Variants in RNF10 observed in about 807,000 individuals in gnomAD.
RNF10 encodes the protein E3 ubiquitin-protein ligase RNF10.
RNF10 carries 38 observed loss-of-function variants against 91.4 expected under a neutral mutation model. That is an observed-to-expected ratio of 0.42 (90% CI 0.32 to 0.54). RNF10 has a LOEUF of 0.54. RNF10 is among the 20% of genes least tolerant of loss of function. The pLI, the probability that RNF10 is intolerant of heterozygous loss-of-function variation, is 0.16. For missense variants in RNF10, 945 were observed against 1,012.0 expected (o/e 0.93, Z 0.90); for synonymous variants, 364 against 366.3 (o/e 0.99, Z 0.07).
At chr12:120,546,304 A>G in intron 1 of RNF10, 101 bp from the exon 2 acceptor site, 2 of 1,037,628 alleles carry the variant, frequency 1.9e-6, no homozygotes, top group East Asian at 2.4e-5. Context: ...AAGGTGGTCA[A>G]AGGGCCTATT....
intron 14 of RNF10, among the ~76,000 whole-genome samples, chr12:120,572,065 T>TG (rs1462469826): frequency 1.3e-5 from 2 of 151,328 alleles, no homozygotes; most frequent in East Asian, 1.9e-4. Context: ...TTGACAGTTT[T>TG]TTTTTTTTTT....
chr12:120,561,092 A>G (rs898984210), intron 7 of RNF10, among the ~76,000 whole-genome samples: 4 of 152,086 alleles, frequency 2.6e-5, no homozygotes, highest in African/African-American at 7.2e-5. Flanking sequence ...GACAGTAGAG[A>G]AGGTTTAACC....
At chr12:120,569,055 C>G (rs944868283) in intron 13 of RNF10, among the ~76,000 whole-genome samples, 1 of 152,200 alleles carries the variant, frequency 6.6e-6, no homozygotes, top group Non-Finnish European at 1.5e-5. Flanking sequence ...ACTGCAACCT[C>G]TGCCTCCTGG....
In RNF10 at chr12:120,563,476, G is replaced by T. The variant is rs369715030; in HGVS notation, c.1384G>T (p.Gly462Trp). The stretch of plus-strand genomic sequence containing the variant: ...AGCAGTGTCTGAACCAGAGCCTGAG[G>T]GGTTGCCAGAGGCCTGTGATGACTT... ...EEAVSEPEPE[G>W]LPEACDDLEL... The change falls in exon 9 of 17, where the codon GGG (glycine) becomes TGG (tryptophan). Residue 462 changes from glycine to tryptophan, a missense_variant. Transcript: ENST00000325954. 1 of 1,614,160 alleles carries T rather than the reference G, an allele frequency of 6.2e-7. No individual in the cohort carries two copies.
chr12:120,563,285 G>C, intron 8 of RNF10, 62 bp from the exon 9 acceptor site: 1 of 1,555,152 alleles, frequency 6.4e-7, no homozygotes, highest in African/African-American at 1.4e-5. Context: ...GTCTGCATTT[G>C]CCACATTGCT....
Position 120,534,645 on chromosome 12 carries a change from CT to C in RNF10, c.-165del. 1 of 1,350,094 alleles carries C rather than the reference CT, an allele frequency of 7.4e-7. No individual in the cohort carries two copies. Among genetic ancestry groups the C allele is most frequent in the Non-Finnish European group, 9.5e-7 (1 of 1,057,546 alleles). 83.6% of individuals were successfully genotyped at this position (1,350,094 alleles called of 1,614,324 possible). ...CCGGGCTTAACAGCCCCGTCCGCCG[CT>C]TCTCTTCCTAGTTTGAGAAGCCAAG... On this transcript the variant is annotated 5_prime_UTR_variant, in exon 1 of 17. Coordinates refer to ENST00000325954, the MANE Select transcript of RNF10 (RefSeq NM_014868.5).
rs1282800231 is a variant in RNF10 at position 120,576,968 on chromosome 12, GTAAGAT to G, written c.*304_*309del. ...TGTAATTAATTTTTCTCAACCCAAA[GTAAGAT>G]TGAGTCCCCTTTGAGATGCATTAGA... is the stretch of plus-strand genomic sequence containing the variant. On this transcript the variant is annotated 3_prime_UTR_variant, in exon 17 of 17. Transcript: ENST00000325954. 1.1e-5 allele frequency: 4 copies of G among 365,980 alleles called. No homozygotes were observed. Among genetic ancestry groups the G allele is most frequent in the Non-Finnish European group, 2.1e-5 (4 of 193,826 alleles). The allele number at this position is 365,980 out of a possible 1,614,324, so 22.7% of individuals were successfully genotyped here.
intron 2 of RNF10, among the ~76,000 whole-genome samples, chr12:120,551,724 C>T (rs952238536): frequency 1.3e-5 from 2 of 151,996 alleles, no homozygotes; most frequent in Admixed American, 6.6e-5. Context: ...ACCTTGAATT[C>T]CTGGGCTCAA....
chr12:120,559,072 T>G (rs903533801), intron 6 of RNF10, among the ~76,000 whole-genome samples: 2 of 151,394 alleles, frequency 1.3e-5, no homozygotes, highest in Non-Finnish European at 2.9e-5. Context: ...ATTATTTTTT[T>G]TATTTTAAAA....
Position 120,566,853 on chromosome 12 carries a change from T to C in RNF10, c.1914T>C (p.Asn638=), listed in dbSNP as rs1875799294. The change falls in exon 13 of 17, where the codon AAT becomes AAC. Residue 638 remains asparagine, a synonymous_variant. Coordinates refer to ENST00000325954, the MANE Select transcript of RNF10 (RefSeq NM_014868.5). ...CAGAAGTCCACATTCCCCTCGAGAA[T>C]CTACAGCAGTTTCCTGCCTTCAATT... ...KYPEVHIPLE[N]LQQFPAFNSY... 1.9e-6 allele frequency: 3 copies of C among 1,613,846 alleles called. No individual in the cohort carries two copies. Among genetic ancestry groups the C allele is most frequent in the Non-Finnish European group, 2.5e-6 (3 of 1,179,868 alleles).
intron 4 of RNF10, among the ~76,000 whole-genome samples, chr12:120,556,394 A>G (rs182688625): frequency 6.6e-6 from 1 of 151,322 alleles, no homozygotes; most frequent in African/African-American, 2.4e-5. Context: ...AGCCCGGCGC[A>G]GTGGCGGGTA....
chr12:120,561,995 TTC>T (rs1239832794), intron 7 of RNF10, among the ~76,000 whole-genome samples: 1 of 152,138 alleles, frequency 6.6e-6, no homozygotes, highest in Non-Finnish European at 1.5e-5. Flanking sequence ...TTGTGTCAGA[TTC>T]TCTTTTATTT....
At chr12:120,559,044 ATT>A (rs1291923027) in intron 6 of RNF10, among the ~76,000 whole-genome samples, 6 of 132,216 alleles carry the variant, frequency 4.5e-5, no homozygotes, top group African/African-American at 1.7e-4. Context: ...AATTAATTAA[ATT>A]AACTTTTAAT....
At chr12:120,569,570 C>T (rs931414389) in intron 13 of RNF10, among the ~76,000 whole-genome samples, 9 of 87,084 alleles carry the variant, frequency 1.0e-4, no homozygotes, top group African/African-American at 2.8e-4. Context: ...CTCGCTCTGT[C>T]GCCCAAACTG....
rs1208350744 is a variant in RNF10 at position 120,576,599 on chromosome 12, G to T, written c.2369G>T (p.Gly790Val). The T allele has an allele frequency of 6.2e-7, 1 of 1,613,672 alleles. No individual in the cohort carries two copies. The highest frequency in any genetic ancestry group is 2.2e-5 in the East Asian group (1 of 44,870). Residue 790 changes from glycine (G) to valine (V), a missense_variant, in exon 17 of 17, where the codon GGA becomes GTA. Coordinates refer to ENST00000325954, the MANE Select transcript of RNF10 (RefSeq NM_014868.5). ...CTGTGTCTCCCTTTAGAAGAGAAAG[G>T]AGGAAAGAAAAGAAAAAAACAGAAA... ...ATSDPLSEEKGGKKRKKQKQK... is the reference protein window; with the variant it reads ...ATSDPLSEEKVGKKRKKQKQK...
intron 12 of RNF10, among the ~76,000 whole-genome samples, chr12:120,566,135 C>T (rs1875656786): frequency 6.6e-6 from 1 of 152,200 alleles, no homozygotes; most frequent in African/African-American, 2.4e-5. Context: ...TGGAAACATA[C>T]ATTTTATATC....
intron 2 of RNF10, among the ~76,000 whole-genome samples, chr12:120,551,277 C>T (rs535988864): frequency 2.2e-4 from 33 of 148,460 alleles, no homozygotes; most frequent in Admixed American, 4.8e-4. Flanking sequence ...TGAGCCACTG[C>T]GCCCATCCTA....
intron 14 of RNF10, among the ~76,000 whole-genome samples, chr12:120,574,295 T>C (rs1464395119): frequency 1.3e-5 from 2 of 152,214 alleles, no homozygotes; most frequent in Admixed American, 1.3e-4. Context: ...TTGAACCCCA[T>C]GGGGTTTGTC....
intron 6 of RNF10, among the ~76,000 whole-genome samples, chr12:120,559,072 TTA>T (rs1206451555): frequency 2.0e-5 from 3 of 151,510 alleles, no homozygotes; most frequent in Non-Finnish European, 4.4e-5. Flanking sequence ...ATTATTTTTT[TTA>T]TTTTAAAAAA....
Sources: gnomAD v4.1 joint callset for allele counts (sites outside exome capture counted in the v4.1 genomes callset) on GRCh38, gnomAD v4.1.1 for gene constraint, MANE v1.5 for transcripts, NCBI Gene and HGNC (gene_info 2026-07-23, HGNC 2026-07-21) for gene names.